CKAP5: variants seen among roughly 807,000 people sequenced by gnomAD.
CKAP5 encodes the protein cytoskeleton-associated protein 5.
Under a neutral mutation model 232.8 loss-of-function variants are expected in CKAP5, and 27 were observed. The ratio of observed to expected loss-of-function variants is 0.12; its 90% confidence interval spans 0.09 to 0.16. The LOEUF (loss-of-function observed/expected upper bound fraction) is 0.16. Ranked by LOEUF, CKAP5 falls within the 10% of genes least tolerant of loss-of-function variation. The pLI is 1.00. For missense variants in CKAP5, 1,838 were observed against 2,424.7 expected (o/e 0.76, Z 5.08); for synonymous variants, 785 against 841.1 (o/e 0.93, Z 1.16).
In CKAP5 at chr11:46,777,480, T is replaced by G. The variant is rs775804621; in HGVS notation, c.2821A>C (p.Asn941His). 9.9e-6 allele frequency: 16 copies of G among 1,613,790 alleles called. No homozygotes were observed. Among genetic ancestry groups the G allele is most frequent in the East Asian group, 2.2e-5 (1 of 44,886 alleles). Residue 941 changes from asparagine (N) to histidine (H), a missense_variant, in exon 23 of 44, where the codon AAT becomes CAT. Physicochemically the swap from Asn to His is moderately conservative, Grantham distance 68. Coordinates refer to ENST00000529230, the MANE Select transcript of CKAP5 (RefSeq NM_001008938.4). ...ACTGTGATGATAGGGATGCCTAAAT[T>G]TTTTACATGTTGCTTAATATTTGGG... ...MGPNIKQHVK[N>H]LGIPIITVLG...
At chr11:46,744,310 G>A in intron 43 of CKAP5, 45 bp from the exon 44 acceptor site, 1 of 1,612,878 alleles carries the variant, frequency 6.2e-7, no homozygotes, top group Non-Finnish European at 8.5e-7. Context: ...GGTCAAGCAG[G>A]TCAAGATGCA....
intron 8 of CKAP5, among the ~76,000 whole-genome samples, chr11:46,802,795 G>A (rs947346092): frequency 6.6e-6 from 1 of 151,422 alleles, no homozygotes; most frequent in Middle Eastern, 3.4e-3. Flanking sequence ...CAACATGAAA[G>A]AAGTTCTACT....
At chr11:46,829,836 G>T (rs866816939) in intron 1 of CKAP5, among the ~76,000 whole-genome samples, 18 of 77,728 alleles carry the variant, frequency 2.3e-4, no homozygotes, top group Non-Finnish European at 3.7e-4. Flanking sequence ...TTCCTTTTTT[G>T]TATGTGTGTG....
intron 25 of CKAP5, 91 bp downstream of exon 25, chr11:46,770,697 G>T: frequency 8.4e-7 from 1 of 1,190,784 alleles, no homozygotes; most frequent in Non-Finnish European, 1.2e-6. Flanking sequence ...CCAAAGTGTT[G>T]GGATTACAGG....
At chr11:46,752,244 TAC>T (rs1279052537) in intron 38 of CKAP5, among the ~76,000 whole-genome samples, 4 of 138,304 alleles carry the variant, frequency 2.9e-5, no homozygotes, top group Non-Finnish European at 6.2e-5. Context: ...GTGTATTATA[TAC>T]ATATATAACA....
At chr11:46,779,077 C>T (rs1351722691) in intron 20 of CKAP5, among the ~76,000 whole-genome samples, 2 of 152,066 alleles carry the variant, frequency 1.3e-5, no homozygotes, top group East Asian at 3.9e-4. Context: ...TGAAACTCCA[C>T]CTCAAAACAA....
chr11:46,800,889 G>A (rs1939013141), intron 9 of CKAP5, among the ~76,000 whole-genome samples: 1 of 152,050 alleles, frequency 6.6e-6, no homozygotes, highest in Non-Finnish European at 1.5e-5. Flanking sequence ...TTGTTATGAT[G>A]TGTATAATGT....
At chr11:46,770,726 G>A (rs2065240206) in intron 25 of CKAP5, 62 bp downstream of exon 25, 1 of 1,482,896 alleles carries the variant, frequency 6.7e-7, no homozygotes, top group African/African-American at 1.4e-5. Flanking sequence ...ACCGTGCCAG[G>A]CCCATGTTAA....
At chr11:46,755,506 C>T (rs186269060) in intron 35 of CKAP5, among the ~76,000 whole-genome samples, 76 of 151,914 alleles carry the variant, frequency 5.0e-4, no homozygotes, top group Admixed American at 1.5e-3. Context: ...CGCACCTGGC[C>T]CCATTTAAAT....
At position 46,761,981 on chromosome 11, in the gene CKAP5, G is replaced by C. The variant is rs772212224; in HGVS notation, c.4221+19C>G. The stretch of plus-strand genomic sequence containing the variant: ...ATTCTTTTCACGACATGCTGACAGT[G>C]TTCAGAGAAGTCACTCACATTTCCA... On this transcript the variant is annotated intron_variant, in intron 32 of 43. Transcript: ENST00000529230. The C allele has an allele frequency of 1.4e-5, 22 of 1,589,476 alleles. No individual in the cohort carries two copies. The highest frequency in any genetic ancestry group is 1.2e-4 in the South Asian group (11 of 89,610).
At position 46,778,577 on chromosome 11, in the gene CKAP5, G is replaced by A; in HGVS notation, c.2456C>T (p.Ala819Val). 1 of 1,613,922 alleles carries A rather than the reference G, an allele frequency of 6.2e-7. No individual in the cohort carries two copies. The highest frequency in any genetic ancestry group is 1.3e-5 in the African/African-American group (1 of 75,028). ...FEKMQGQSPP[A>V]PTRGISKHST... Reference sequence around the variant, plus strand: ...ATGCTTGGAAATTCCTCTGGTTGGAGCAGGTGGACTTTGTCCCTGCATCTA... The same window carrying A: ...ATGCTTGGAAATTCCTCTGGTTGGAACAGGTGGACTTTGTCCCTGCATCTA... Residue 819 changes from alanine to valine, a missense_variant, in exon 21 of 44, where the codon GCT becomes GTT. Physicochemically the swap from Ala to Val is moderately conservative, Grantham distance 64. Coordinates refer to ENST00000529230, the MANE Select transcript of CKAP5 (RefSeq NM_001008938.4).
chr11:46,796,802 A>G lies in CKAP5; in HGVS notation c.1467+10T>C, dbSNP rs765946102. On this transcript the variant is annotated intron_variant, in intron 12 of 43. Transcript: ENST00000529230. Reference sequence around the variant, plus strand: ...TTGTCCAATTTCAGTCCAATCCATTACTAACCTACCTTATCAAGCTTGAGT... The same window carrying G: ...TTGTCCAATTTCAGTCCAATCCATTGCTAACCTACCTTATCAAGCTTGAGT... The G allele has an allele frequency of 8.7e-6, 14 of 1,613,324 alleles. No homozygotes were observed. Among genetic ancestry groups the G allele is most frequent in the Non-Finnish European group, 1.0e-5 (12 of 1,179,588 alleles).
intron 27 of CKAP5, among the ~76,000 whole-genome samples, chr11:46,767,134 G>A (rs1258080473): frequency 5.3e-5 from 8 of 151,440 alleles, no homozygotes; most frequent in Non-Finnish European, 1.0e-4. Flanking sequence ...CGATTCTCCT[G>A]CCTCAACTTC....
At chr11:46,783,463 C>T (rs1320100867) in intron 17 of CKAP5, 95 bp from the exon 18 acceptor site, 2 of 720,934 alleles carry the variant, frequency 2.8e-6, no homozygotes, top group East Asian at 5.4e-5. Flanking sequence ...AACTAGTTTT[C>T]TGACGCTAAA....
intron 16 of CKAP5, among the ~76,000 whole-genome samples, chr11:46,786,350 C>T (rs2065393028): frequency 6.6e-6 from 1 of 152,182 alleles, no homozygotes; most frequent in Non-Finnish European, 1.5e-5. Context: ...TGTGCAGCCA[C>T]TGGCAGGTGG....
intron 26 of CKAP5, among the ~76,000 whole-genome samples, chr11:46,768,954 C>T (rs189146654): frequency 6.6e-6 from 1 of 151,214 alleles, no homozygotes; most frequent in African/African-American, 2.4e-5. Context: ...GAGTCTTGCT[C>T]TGTCCCCCAG....
At chr11:46,810,061 T>G (rs1818233342) in intron 5 of CKAP5, among the ~76,000 whole-genome samples, 187 bp from the exon 6 acceptor site, 1 of 152,020 alleles carries the variant, frequency 6.6e-6, no homozygotes, top group African/African-American at 2.4e-5. Context: ...AACCTCCACC[T>G]CTTGGGTTCA....
At chr11:46,777,362 A>G in intron 23 of CKAP5, 77 bp downstream of exon 23, 2 of 847,922 alleles carry the variant, frequency 2.4e-6, no homozygotes, top group South Asian at 3.0e-5. Flanking sequence ...ATGACTCTAA[A>G]AAGAGAATTA....
At chr11:46,792,716 A>C (rs542497001) in intron 13 of CKAP5, among the ~76,000 whole-genome samples, 1 of 152,280 alleles carries the variant, frequency 6.6e-6, no homozygotes, top group South Asian at 2.1e-4. Context: ...CAGCATTTTA[A>C]TTTTTAAGAT....
Sources: allele counts gnomAD v4.1 joint callset (sites outside exome capture counted in the v4.1 genomes callset), GRCh38; gene constraint gnomAD v4.1.1; transcripts MANE v1.5; gene names NCBI Gene and HGNC (gene_info 2026-07-23, HGNC 2026-07-21).